HIVEP1: variants seen among roughly 807,000 people sequenced by gnomAD.
HIVEP1 encodes zinc finger protein 40.
In HIVEP1, 36 loss-of-function variants were observed where a neutral mutation model predicts 180.0. The ratio of observed to expected loss-of-function variants is 0.20; its 90% CI spans 0.15 to 0.26. The LOEUF (loss-of-function observed/expected upper bound fraction) is 0.26, where lower values mean the gene tolerates loss of function less well. HIVEP1 is among the 10% of genes least tolerant of loss of function. The pLI is 1.00. For missense variants in HIVEP1, 3,143 were observed against 3,268.7 expected (o/e 0.96, Z 0.94); for synonymous variants, 1,239 against 1,239.0 (o/e 1.00, Z 0.00).
intron 7 of HIVEP1, among the ~76,000 whole-genome samples, chr6:12,137,487 T>C (rs559294030): frequency 1.3e-5 from 2 of 152,378 alleles, no homozygotes; most frequent in South Asian, 4.1e-4. Context: ...CTTAGATTAT[T>C]ACTCAAAGTT....
At chr6:12,144,822 T>A (rs548867072) in intron 7 of HIVEP1, among the ~76,000 whole-genome samples, 6 of 152,228 alleles carry the variant, frequency 3.9e-5, no homozygotes, top group Non-Finnish European at 8.8e-5. Flanking sequence ...CACAGTGAGA[T>A]ACCATCTCAC....
At chr6:12,162,378 G>A (rs889987334) in intron 8 of HIVEP1, among the ~76,000 whole-genome samples, 1 of 152,206 alleles carries the variant, frequency 6.6e-6, no homozygotes, top group Non-Finnish European at 1.5e-5. Context: ...TGGCAAGACA[G>A]CTACCAGTTT....
intron 3 of HIVEP1, among the ~76,000 whole-genome samples, chr6:12,112,153 A>G (rs1248621722): frequency 6.6e-6 from 1 of 152,116 alleles, no homozygotes; most frequent in African/African-American, 2.4e-5. Flanking sequence ...TTCATTTTTG[A>G]AAGCTAAATT....
intron 2 of HIVEP1, among the ~76,000 whole-genome samples, chr6:12,058,026 G>C (rs143903327): frequency 6.6e-6 from 1 of 152,242 alleles, no homozygotes; most frequent in Admixed American, 6.5e-5. Context: ...AAAACCAATT[G>C]TGGCTTTCTT....
At chr6:12,039,684 G>C (rs1453427502) in intron 2 of HIVEP1, among the ~76,000 whole-genome samples, 1 of 152,226 alleles carries the variant, frequency 6.6e-6, no homozygotes. Context: ...ATTGCAAAGA[G>C]TAGAAGTAGC....
chr6:12,198,782 G>A, the HIVEP1 span, among the ~76,000 whole-genome samples: 1 of 152,188 alleles, frequency 6.6e-6, no homozygotes, highest in Non-Finnish European at 1.5e-5. Flanking sequence ...GAACGCTTCT[G>A]GGGCAATCTG....
At chr6:12,157,053 G>A (rs547991785) in intron 7 of HIVEP1, among the ~76,000 whole-genome samples, 26 of 152,186 alleles carry the variant, frequency 1.7e-4, no homozygotes, top group South Asian at 1.0e-3. Flanking sequence ...ATATCATTAT[G>A]TAATGCTCCT....
chr6:12,035,661 G>A (rs560104841), intron 2 of HIVEP1, among the ~76,000 whole-genome samples: 33 of 152,272 alleles, frequency 2.2e-4, no homozygotes, highest in African/African-American at 7.9e-4. Flanking sequence ...AAACAGGGAA[G>A]GATCTTTTAA....
Position 12,127,567 on chromosome 6 carries a change from G to A in HIVEP1, c.6075+1697G>A, listed in dbSNP as rs561861282. Among the ~76,000 whole-genome samples, 14 of 152,326 alleles carry A rather than the reference G, an allele frequency of 9.2e-5. No homozygotes were observed. In the East Asian group the frequency reaches 2.5e-3, roughly 27 times the overall value. ...TTAGGAGAGAGCTCTGGATGGAAGT[G>A]TGTAGAGTAGAGATTCTTTTGTGTA... On this transcript the variant is annotated intron_variant, in intron 4 of 8. Coordinates refer to ENST00000379388, the MANE Select transcript of HIVEP1 (RefSeq NM_002114.4).
At chr6:12,208,955 T>G in the HIVEP1 span, among the ~76,000 whole-genome samples, 1 of 152,330 alleles carries the variant, frequency 6.6e-6, no homozygotes. Context: ...GGGATTAATC[T>G]CCTACTTCTT....
At chr6:12,112,746 G>T (rs1364380842) in intron 3 of HIVEP1, among the ~76,000 whole-genome samples, 2 of 152,098 alleles carry the variant, frequency 1.3e-5, no homozygotes, top group African/African-American at 4.8e-5. Flanking sequence ...TCTGGATGGG[G>T]TGGGGAGGGG....
chr6:12,086,569 A>C (rs1280583332), intron 2 of HIVEP1, among the ~76,000 whole-genome samples: 3 of 151,872 alleles, frequency 2.0e-5, no homozygotes, highest in African/African-American at 7.3e-5. Context: ...ATCAAGACTT[A>C]CGGTGAGAGA....
At chr6:12,156,957 T>C (rs1760094400) in intron 7 of HIVEP1, among the ~76,000 whole-genome samples, 1 of 152,218 alleles carries the variant, frequency 6.6e-6, no homozygotes, top group Non-Finnish European at 1.5e-5. Flanking sequence ...GCTCTGATTA[T>C]GGATTTATTT....
intron 3 of HIVEP1, among the ~76,000 whole-genome samples, chr6:12,095,273 T>A (rs918873604): frequency 5.9e-5 from 9 of 151,998 alleles, no homozygotes; most frequent in African/African-American, 1.9e-4. Context: ...TATTATCTTT[T>A]CCTGTCTTTT....
At chr6:12,058,488 C>T (rs982573719) in intron 2 of HIVEP1, among the ~76,000 whole-genome samples, 7 of 152,120 alleles carry the variant, frequency 4.6e-5, no homozygotes, top group Non-Finnish European at 1.0e-4. Context: ...AGCATTGATT[C>T]AAAATATGTT....
rs1467641037 is a variant in HIVEP1 at position 12,163,800 on chromosome 6, T to C, written c.7496T>C (p.Val2499Ala). The C allele has an allele frequency of 1.2e-6, 2 of 1,614,052 alleles. No homozygotes were observed. Among genetic ancestry groups the C allele is most frequent in the Admixed American group, 1.7e-5 (1 of 60,006 alleles). ...TTAAGCATGGAAACCGTCAATATTG[T>C]AGGCCTAGCCAATACAAATATGGCC... ...PSLSMETVNI[V>A]GLANTNMAPQ... Residue 2499 changes from valine to alanine, a missense_variant, in exon 9 of 9, where the codon GTA (valine) becomes GCA (alanine). Physicochemically the swap from Val to Ala is moderately conservative, Grantham distance 64. Transcript: ENST00000379388.
At chr6:12,052,669 T>A (rs1184742667) in intron 2 of HIVEP1, among the ~76,000 whole-genome samples, 1 of 152,228 alleles carries the variant, frequency 6.6e-6, no homozygotes, top group East Asian at 1.9e-4. Context: ...TCTTGCCTTG[T>A]ATCATGTACC....
At chr6:12,016,518 T>C (rs898754413) in intron 2 of HIVEP1, among the ~76,000 whole-genome samples, 1 of 152,170 alleles carries the variant, frequency 6.6e-6, no homozygotes, top group Non-Finnish European at 1.5e-5. Flanking sequence ...ATCAAATAAA[T>C]TAATTTGAAA....
chr6:12,019,205 G>C (rs1581503551), intron 2 of HIVEP1, among the ~76,000 whole-genome samples: 1 of 152,284 alleles, frequency 6.6e-6, no homozygotes, highest in East Asian at 1.9e-4. Flanking sequence ...CAGCAGCGGG[G>C]GACGGGAGTG....
Sources: gnomAD v4.1 joint callset for allele counts (sites outside exome capture counted in the v4.1 genomes callset) on GRCh38, gnomAD v4.1.1 for gene constraint, MANE v1.5 for transcripts, NCBI Gene and HGNC (gene_info 2026-07-23, HGNC 2026-07-21) for gene names.